DCLK1: variants seen among roughly 807,000 people sequenced by gnomAD.
DCLK1 encodes serine/threonine-protein kinase DCLK1.
In DCLK1, 16 loss-of-function variants were observed where a neutral mutation model predicts 86.2. The ratio of observed to expected loss-of-function variants is 0.19; its 90% confidence interval spans 0.13 to 0.28. DCLK1 has a LOEUF of 0.28. Among genes scored for constraint, DCLK1 ranks in the 10% least tolerant of loss-of-function variants. The probability of loss-of-function intolerance (pLI) is 1.00; values close to 1 mark genes in which losing one functional copy is unlikely to be tolerated. For missense variants in DCLK1, 590 were observed against 940.2 expected (o/e 0.63, Z 4.87); for synonymous variants, 369 against 370.5 (o/e 1.00, Z 0.05).
In DCLK1 at chr13:36,113,594, G is replaced by T. The variant is rs192097758; in HGVS notation, c.377-1379C>A. On this transcript the variant is annotated intron_variant, in intron 2 of 16. Coordinates refer to ENST00000360631, the MANE Select transcript of DCLK1 (RefSeq NM_001330071.2). Reference sequence around the variant, plus strand: ...GGGAGTTTTCATGGAGTGATGACCTGCACATGATAGTGGGAAGAGAGAACT... The same window carrying T: ...GGGAGTTTTCATGGAGTGATGACCTTCACATGATAGTGGGAAGAGAGAACT... 6.0e-3 allele frequency among the ~76,000 whole-genome samples: 919 copies of T among 152,258 alleles called. 8 individuals carry two copies. Among genetic ancestry groups the T allele is most frequent in the Non-Finnish European group, 0.011 (725 of 68,006 alleles).
intron 4 of DCLK1, among the ~76,000 whole-genome samples, chr13:35,880,308 T>C (rs1221425780): frequency 6.6e-6 from 1 of 152,180 alleles, no homozygotes; most frequent in Non-Finnish European, 1.5e-5. Context: ...GGGCAGAGGT[T>C]AGAGAAAGAG....
intron 6 of DCLK1, chr13:35,849,548 T>G: frequency 1.0e-6 from 1 of 979,804 alleles, no homozygotes; most frequent in Non-Finnish European, 1.2e-6. Flanking sequence ...CACATTAAAT[T>G]AATTTTTAAC....
At chr13:36,009,000 T>C (rs373642882) in intron 3 of DCLK1, among the ~76,000 whole-genome samples, 1 of 102,868 alleles carries the variant, frequency 9.7e-6, no homozygotes, top group African/African-American at 4.0e-5. Flanking sequence ...TTTCATGTGT[T>C]TTTTGGCTGC....
intron 5 of DCLK1, among the ~76,000 whole-genome samples, chr13:35,859,559 T>C (rs1368071740): frequency 6.6e-6 from 1 of 152,136 alleles, no homozygotes; most frequent in East Asian, 1.9e-4. Flanking sequence ...CCTAAGCCTG[T>C]CAGGGATCCA....
At chr13:36,000,245 A>C (rs1196406892) in intron 3 of DCLK1, among the ~76,000 whole-genome samples, 1 of 151,972 alleles carries the variant, frequency 6.6e-6, no homozygotes, top group Admixed American at 6.6e-5. Flanking sequence ...CTTACTCTCT[A>C]CTGTCATTTT....
rs78517272 is a variant in DCLK1, at chr13:35,996,217, C to T, written c.724-48760G>A. Reference sequence around the variant, plus strand: ...ATGCTAAGATTCTAGGCGTAAGCCACTGCACCCTGCCAACCTATTTTAGTT... The same window carrying T: ...ATGCTAAGATTCTAGGCGTAAGCCATTGCACCCTGCCAACCTATTTTAGTT... On this transcript the variant is annotated intron_variant, in intron 3 of 16. Coordinates refer to ENST00000360631, the MANE Select transcript of DCLK1 (RefSeq NM_001330071.2). 1.7e-3 allele frequency among the ~76,000 whole-genome samples: 265 copies of T among 152,322 alleles called. 8 individuals carry two copies. In the East Asian group the frequency reaches 0.045, roughly 26 times the overall value.
chr13:35,945,795 A>T (rs1274504649), intron 4 of DCLK1, among the ~76,000 whole-genome samples: 1 of 152,168 alleles, frequency 6.6e-6, no homozygotes, highest in African/African-American at 2.4e-5. Flanking sequence ...TATTTACAAA[A>T]ATCTGTGCCT....
At chr13:36,103,637 A>C (rs1885297847) in intron 3 of DCLK1, among the ~76,000 whole-genome samples, 1 of 107,678 alleles carries the variant, frequency 9.3e-6, no homozygotes, top group African/African-American at 2.9e-5. Context: ...GTTCCTATTT[A>C]AAATTGGATT....
At chr13:35,948,315 T>G (rs1877490106) in intron 3 of DCLK1, among the ~76,000 whole-genome samples, 3 of 152,342 alleles carry the variant, frequency 2.0e-5, no homozygotes, top group South Asian at 4.1e-4. Flanking sequence ...CTTTGACCAC[T>G]TGGACGAATC....
chr13:35,966,758 G>A (rs1302978609), intron 3 of DCLK1, among the ~76,000 whole-genome samples: 5 of 152,146 alleles, frequency 3.3e-5, no homozygotes, highest in African/African-American at 9.6e-5. Context: ...TGCCAGCCTC[G>A]GCCTCCTGAG....
intron 4 of DCLK1, among the ~76,000 whole-genome samples, chr13:35,924,570 T>C (rs1875998244): frequency 1.3e-5 from 2 of 152,196 alleles, no homozygotes; most frequent in East Asian, 3.8e-4. Flanking sequence ...GAGAATCGCT[T>C]GAACCCAAGG....
intron 5 of DCLK1, among the ~76,000 whole-genome samples, chr13:35,855,194 A>G (rs914887796): frequency 1.3e-5 from 2 of 152,224 alleles, no homozygotes; most frequent in African/African-American, 2.4e-5. Flanking sequence ...TTGAAAAGAA[A>G]AACTGCTAAC....
chr13:35,826,558 A>AGGAGGGAGGGAGGGAGGGAGGGAGG (rs1161121038), intron 10 of DCLK1, among the ~76,000 whole-genome samples: 2 of 27,278 alleles, frequency 7.3e-5, no homozygotes, highest in Non-Finnish European at 1.4e-4. Flanking sequence ...AAAGAAAGAA[A>AGGAGGGAGGGAGGGAGGGAGGGAGG]GAAACAAGTC....
At chr13:35,782,685 T>G (rs2086549436) in intron 16 of DCLK1, among the ~76,000 whole-genome samples, 2 of 152,218 alleles carry the variant, frequency 1.3e-5, no homozygotes, top group African/African-American at 2.4e-5. Context: ...GTTCAATCAT[T>G]TATTTGTTAA....
chr13:36,008,216 TTA>T (rs1450487089), intron 3 of DCLK1, among the ~76,000 whole-genome samples: 23 of 10,464 alleles, frequency 2.2e-3, no homozygotes, highest in African/African-American at 5.8e-3. Flanking sequence ...ATTATTATTA[TTA>T]TTATTATTAT....
chr13:35,887,962 C>T (rs1365212972), intron 4 of DCLK1, among the ~76,000 whole-genome samples: 4 of 141,694 alleles, frequency 2.8e-5, no homozygotes, highest in East Asian at 2.2e-4. Flanking sequence ...TGAAAATTTA[C>T]GAATGAAAAA....
intron 4 of DCLK1, among the ~76,000 whole-genome samples, chr13:35,879,177 T>C (rs548614869): frequency 7.2e-4 from 110 of 152,292 alleles, no homozygotes; most frequent in African/African-American, 2.2e-3. Context: ...GTAACTTAAC[T>C]GGAGAGTAAA....
Position 35,957,987 on chromosome 13 carries a change from C to CTAG in DCLK1, c.724-10531_724-10530insCTA, listed in dbSNP as rs1878109027. Among the ~76,000 whole-genome samples, 18 of 145,960 alleles carry CTAG rather than the reference C, an allele frequency of 1.2e-4. No homozygotes were observed. The South Asian group carries it at 1.3e-3, about 10-fold the overall frequency. Reference sequence around the variant, plus strand: ...ATTACCACCATCACTGCTATAACCACCACCACCACCACCATTATCACCATC... The same window carrying CTAG: ...ATTACCACCATCACTGCTATAACCACTAGCACCACCACCACCATTATCACCATC... On this transcript the variant is annotated intron_variant, in intron 3 of 16. Transcript: ENST00000360631.
chr13:36,079,992 G>A (rs1472678983), intron 3 of DCLK1, among the ~76,000 whole-genome samples: 1 of 152,158 alleles, frequency 6.6e-6, no homozygotes, highest in Non-Finnish European at 1.5e-5. Context: ...AGTGGCCTTT[G>A]ATCAGCATAT....
Sources: allele counts gnomAD v4.1 joint callset (sites outside exome capture counted in the v4.1 genomes callset), GRCh38; gene constraint gnomAD v4.1.1; transcripts MANE v1.5; gene names NCBI Gene and HGNC (gene_info 2026-07-23, HGNC 2026-07-21).